PDE1A: variants seen among roughly 807,000 people sequenced by gnomAD.
PDE1A encodes phosphodiesterase 1A, also known as dual specificity calcium/calmodulin-dependent 3',5'-cyclic nucleotide phosphodiesterase 1A.
A neutral mutation model predicts 61.7 loss-of-function variants in PDE1A; 35 were observed. The ratio of observed to expected loss-of-function variants is 0.57; its 90% CI spans 0.43 to 0.75. The LOEUF is 0.75. PDE1A is among the 30% of genes least tolerant of loss of function. The pLI is 0.00. For missense variants in PDE1A, 597 were observed against 630.6 expected (o/e 0.95, Z 0.57); for synonymous variants, 232 against 213.2 (o/e 1.09, Z -0.77).
At chr2:182,644,284 T>G in the PDE1A span, among the ~76,000 whole-genome samples, 1 of 149,854 alleles carries the variant, frequency 6.7e-6, no homozygotes, top group African/African-American at 2.4e-5. Context: ...TGTGTGTGTG[T>G]GTGTGTGTGT....
At chr2:182,273,489 C>A (rs949162039) in intron 1 of PDE1A, among the ~76,000 whole-genome samples, 9 of 150,884 alleles carry the variant, frequency 6.0e-5, no homozygotes, top group Non-Finnish European at 1.2e-4. Context: ...ATATATATAT[C>A]TTTTGTCACA....
the PDE1A span, among the ~76,000 whole-genome samples, chr2:182,714,183 C>T: frequency 6.6e-6 from 1 of 152,110 alleles, no homozygotes; most frequent in South Asian, 2.1e-4. Context: ...ACAGCTGGAG[C>T]CATAACAGTA....
intron 8 of PDE1A, among the ~76,000 whole-genome samples, chr2:182,205,055 T>C (rs1215827229): frequency 3.3e-5 from 5 of 152,202 alleles, no homozygotes; most frequent in African/African-American, 7.2e-5. Context: ...TATTTCTTTT[T>C]ACCTTGATTT....
At chr2:182,305,593 T>C (rs1265440129) in intron 1 of PDE1A, among the ~76,000 whole-genome samples, 1 of 152,166 alleles carries the variant, frequency 6.6e-6, no homozygotes, top group Non-Finnish European at 1.5e-5. Flanking sequence ...AGATTATCAG[T>C]AGCTCTATAA....
chr2:182,162,809 C>T (rs2125301447), intron 13 of PDE1A, among the ~76,000 whole-genome samples: 1 of 152,216 alleles, frequency 6.6e-6, no homozygotes. Context: ...AGCTCAGGTC[C>T]AGTGGTCCCC....
chr2:182,301,946 T>C (rs189433145), intron 1 of PDE1A, among the ~76,000 whole-genome samples: 3 of 152,180 alleles, frequency 2.0e-5, no homozygotes, highest in Admixed American at 2.0e-4. Context: ...TGATTATTAA[T>C]TATAGTTTTA....
chr2:182,147,197 T>C (rs1454101481), intron 13 of PDE1A, 45 bp from the exon 14 acceptor site: 1 of 1,196,100 alleles, frequency 8.4e-7, no homozygotes, highest in South Asian at 1.3e-5. Flanking sequence ...AAAATAAGGC[T>C]TTGGAAAAAA....
At chr2:182,642,710 G>A in the PDE1A span, among the ~76,000 whole-genome samples, 2 of 152,128 alleles carry the variant, frequency 1.3e-5, no homozygotes, top group Non-Finnish European at 2.9e-5. Context: ...TACCTCTGAT[G>A]CTAAGATATC....
the PDE1A span, among the ~76,000 whole-genome samples, chr2:182,583,450 C>T: frequency 3.3e-4 from 50 of 152,264 alleles, no homozygotes; most frequent in Admixed American, 2.7e-3. Flanking sequence ...GGAAGCCATC[C>T]GTCCAAAATG....
At chr2:182,577,947 AGG>A in the PDE1A span, among the ~76,000 whole-genome samples, 1 of 116,578 alleles carries the variant, frequency 8.6e-6, no homozygotes, top group African/African-American at 3.9e-5. Context: ...GAAGGAAGGA[AGG>A]AAGGAAGGAA....
At chr2:182,580,216 T>C in the PDE1A span, among the ~76,000 whole-genome samples, 1 of 152,170 alleles carries the variant, frequency 6.6e-6, no homozygotes, top group Non-Finnish European at 1.5e-5. Flanking sequence ...AATGTGACCT[T>C]ATATTAATTA....
chr2:182,499,181 T>TTTTTTTG (rs1559517385), intron 2 of PDE1A, among the ~76,000 whole-genome samples: 5 of 114,060 alleles, frequency 4.4e-5, no homozygotes, highest in African/African-American at 2.0e-4. Flanking sequence ...TTGTTTTTTT[T>TTTTTTTG]TTTTTTTTTT....
the PDE1A span, among the ~76,000 whole-genome samples, chr2:182,589,903 A>G: frequency 1.3e-5 from 2 of 152,238 alleles, no homozygotes; most frequent in Non-Finnish European, 2.9e-5. Context: ...TTACTAGTAT[A>G]ATAATCAGCC....
the PDE1A span, among the ~76,000 whole-genome samples, chr2:182,706,788 G>A: frequency 6.6e-6 from 1 of 152,220 alleles, no homozygotes; most frequent in Non-Finnish European, 1.5e-5. Context: ...CACACTGGTA[G>A]TAACAACGGA....
chr2:182,625,335 TC>T, the PDE1A span, among the ~76,000 whole-genome samples: 1 of 152,238 alleles, frequency 6.6e-6, no homozygotes, highest in Non-Finnish European at 1.5e-5. Flanking sequence ...GAGATGGTCC[TC>T]CCAGGAGTAC....
At chr2:182,534,843 G>A in the PDE1A span, among the ~76,000 whole-genome samples, 1 of 151,702 alleles carries the variant, frequency 6.6e-6, no homozygotes, top group Non-Finnish European at 1.5e-5. Flanking sequence ...TTTTGCTTTA[G>A]AGGTTTTTCC....
the PDE1A span, among the ~76,000 whole-genome samples, chr2:182,617,213 T>A: frequency 6.6e-6 from 1 of 152,024 alleles, no homozygotes; most frequent in Non-Finnish European, 1.5e-5. Context: ...GGGGCTGGAG[T>A]CTAAAATCAG....
At chr2:182,555,430 G>A in the PDE1A span, among the ~76,000 whole-genome samples, 5 of 152,300 alleles carry the variant, frequency 3.3e-5, no homozygotes, top group African/African-American at 1.2e-4. Flanking sequence ...CCTGATATAT[G>A]TAAATGAACC....
chr2:182,291,509 T>C lies in PDE1A; in HGVS notation c.54-27095A>G, dbSNP rs755850288. ...TTTACATGACTGTACTGCCTCTGGA[T>C]TGTCAACTCTTCAAGGCTCTGGTTG... On this transcript the variant is annotated intron_variant, in intron 1 of 13. Transcript: ENST00000351439. Among the ~76,000 whole-genome samples the C allele has an allele frequency of 1.9e-4, 29 of 152,308 alleles. No individual in the cohort carries two copies. The Middle Eastern group carries it at 0.017, about 89-fold the overall frequency.
Sources: allele counts gnomAD v4.1 joint callset (sites outside exome capture counted in the v4.1 genomes callset), GRCh38; gene constraint gnomAD v4.1.1; transcripts MANE v1.5; gene names NCBI Gene and HGNC (gene_info 2026-07-23, HGNC 2026-07-21).